ETV5: variants seen among roughly 807,000 people sequenced by gnomAD.
ETV5 encodes the protein ETS translocation variant 5.
Under a neutral mutation model 70.0 loss-of-function variants are expected in ETV5, and 10 were observed. That is an observed-to-expected ratio of 0.14 (90% CI 0.09 to 0.24). The LOEUF is 0.24. Ranked by LOEUF, ETV5 falls within the 10% of genes least tolerant of loss-of-function variation. The pLI is 1.00. For missense variants in ETV5, 453 were observed against 651.2 expected, an observed-to-expected ratio of 0.70 and a Z score of 3.31; for synonymous variants, 216 against 242.2, an observed-to-expected ratio of 0.89 and a Z score of 1.01.
intron 7 of ETV5, among the ~76,000 whole-genome samples, chr3:186,078,718 A>T (rs1197641289): frequency 6.6e-6 from 1 of 151,896 alleles, no homozygotes; most frequent in Non-Finnish European, 1.5e-5. Context: ...GTCAGTGCTC[A>T]CCCCTTGAGC....
intron 7 of ETV5, chr3:186,078,136 A>G (rs958621355): frequency 2.2e-5 from 23 of 1,051,498 alleles, no homozygotes; most frequent in Middle Eastern, 8.5e-4. Flanking sequence ...GGGGCTACCC[A>G]TCTCCCAATT....
rs781632765 is a variant in ETV5 at position 186,086,516 on chromosome 3, A to G, written c.233-5341T>C. Reference sequence around the variant, plus strand: ...ATAAAAATATCCACAAAGTATAAGAATCAGTAAGCAAGGTCATTGGCTATG... The same window carrying G: ...ATAAAAATATCCACAAAGTATAAGAGTCAGTAAGCAAGGTCATTGGCTATG... On this transcript the variant is annotated intron_variant, in intron 5 of 12. Transcript: ENST00000306376. 3.0e-4 allele frequency among the ~76,000 whole-genome samples: 46 copies of G among 152,234 alleles called. 1 individual carries two copies. Among genetic ancestry groups the G allele is most frequent in the Non-Finnish European group, 5.9e-4 (40 of 68,042 alleles).
chr3:186,066,211 C>T lies in ETV5; in HGVS notation c.651-139G>A, dbSNP rs773190444. 272 of 378,282 alleles carry T rather than the reference C, an allele frequency of 7.2e-4. 1 individual carries two copies. The highest frequency in any genetic ancestry group is 6.4e-3 in the Middle Eastern group (6 of 942). The allele number at this position is 378,282 out of a possible 1,614,324, so 23.4% of individuals were successfully genotyped here. On this transcript the variant is annotated intron_variant, in intron 7 of 12. Transcript: ENST00000306376. ...AATGCTTATTTCTGGGCATTTTACC[C>T]TCTTCCCAAAATTACATTGTGTATT...
intron 9 of ETV5, among the ~76,000 whole-genome samples, chr3:186,063,504 T>C (rs1409189145): frequency 6.6e-6 from 1 of 152,202 alleles, no homozygotes. Flanking sequence ...TCTCAGAGAC[T>C]TACTGAATTA....
intron 5 of ETV5, among the ~76,000 whole-genome samples, chr3:186,099,017 T>C (rs1207507060): frequency 6.6e-6 from 1 of 152,206 alleles, no homozygotes; most frequent in African/African-American, 2.4e-5. Flanking sequence ...CCTGGAATCT[T>C]GCACTCTCTG....
intron 12 of ETV5, 120 bp downstream of exon 12, chr3:186,051,910 A>G: frequency 1.2e-6 from 1 of 850,820 alleles, no homozygotes; most frequent in Non-Finnish European, 1.9e-6. Context: ...TTCCTACCAC[A>G]GAATCACTTA....
rs1712876369 is a variant in ETV5 at position 186,046,409 on chromosome 3, T to C, written c.*2230A>G. On this transcript the variant is annotated 3_prime_UTR_variant, in exon 13 of 13. Transcript: ENST00000306376. ...ATACGGCCCTGCGCAGGGGAAAGTA[T>C]TTCAAATCAGCTGGCAGGTTCAAGC... 4.4e-6 allele frequency: 1 copy of C among 229,666 alleles called. No homozygotes were observed. The highest frequency in any genetic ancestry group is 8.6e-6 in the Non-Finnish European group (1 of 115,630). 14.2% of individuals were successfully genotyped at this position (229,666 alleles called of 1,614,324 possible).
intron 11 of ETV5, among the ~76,000 whole-genome samples, chr3:186,053,751 A>C (rs1387833566): frequency 6.6e-6 from 1 of 152,218 alleles, no homozygotes; most frequent in East Asian, 1.9e-4. Flanking sequence ...CAAAAGGCAA[A>C]ATTAACCAAA....
intron 1 of ETV5, chr3:186,108,659 C>T: frequency 8.6e-7 from 1 of 1,158,358 alleles, no homozygotes; most frequent in East Asian, 8.1e-5. Context: ...ACTCGGGAGC[C>T]CCCGCACTCG....
At chr3:186,099,861 C>A (rs1714407896) in intron 5 of ETV5, among the ~76,000 whole-genome samples, 1 of 152,204 alleles carries the variant, frequency 6.6e-6, no homozygotes, top group Non-Finnish European at 1.5e-5. Context: ...CGTCCCAAAT[C>A]TTTCTCACCA....
chr3:186,107,618 G>A (rs1208356108), intron 1 of ETV5, among the ~76,000 whole-genome samples: 2 of 152,236 alleles, frequency 1.3e-5, no homozygotes, highest in African/African-American at 2.4e-5. Context: ...AAAGCCTGAA[G>A]GAAAGGCTCG....
chr3:186,057,366 G>T lies in ETV5; in HGVS notation c.1039+57C>A, dbSNP rs1553786575. 4.5e-5 allele frequency: 73 copies of T among 1,604,526 alleles called. 1 individual carries two copies. The South Asian group carries it at 6.9e-4, about 15-fold the overall frequency. ...ACTTGGGAAGAGAGTCATGGCTGAGGTGTTCTGACACCTCCAAACCTCTAC... is the reference window on the plus strand; with the variant it reads ...ACTTGGGAAGAGAGTCATGGCTGAGTTGTTCTGACACCTCCAAACCTCTAC... On this transcript the variant is annotated intron_variant, in intron 10 of 12. Transcript: ENST00000306376. This position sits in a 1 kb window ranked among gnomAD's most constrained non-coding sequence, Gnocchi z 4.9.
rs1185144490 is a variant in ETV5, at chr3:186,054,175, G to A, written c.1210-2044C>T. Among the ~76,000 whole-genome samples the A allele has an allele frequency of 6.6e-6, 1 of 152,234 alleles. No individual in the cohort carries two copies. Among genetic ancestry groups the A allele is most frequent in the Non-Finnish European group, 1.5e-5 (1 of 68,036 alleles). ...GGCTGTTCCTTCTACAGTAATGCATGAGGCGGCTCAGCTCCAGAGCAGCTG... is the reference window on the plus strand; with the variant it reads ...GGCTGTTCCTTCTACAGTAATGCATAAGGCGGCTCAGCTCCAGAGCAGCTG... On this transcript the variant is annotated intron_variant, in intron 11 of 12. Coordinates refer to ENST00000306376, the MANE Select transcript of ETV5 (RefSeq NM_004454.3). This position sits in a 1 kb window ranked among gnomAD's most constrained non-coding sequence, Gnocchi z 4.4.
intron 5 of ETV5, chr3:186,104,975 C>G (rs1714552717): frequency 1.1e-5 from 2 of 189,908 alleles, no homozygotes; most frequent in Admixed American, 1.2e-4. Context: ...TGCCTGACCT[C>G]AAGTGATCCA....
chr3:186,099,346 T>G (rs1170686654), intron 5 of ETV5, among the ~76,000 whole-genome samples: 1 of 152,218 alleles, frequency 6.6e-6, no homozygotes, highest in Non-Finnish European at 1.5e-5. Flanking sequence ...AAATGAATTT[T>G]TAAAAAAGCA....
intron 9 of ETV5, among the ~76,000 whole-genome samples, chr3:186,061,907 T>C (rs1713313050): frequency 6.6e-6 from 1 of 152,168 alleles, no homozygotes; most frequent in Non-Finnish European, 1.5e-5. Context: ...AGATAAATCG[T>C]AAAATTTAAA....
At chr3:186,079,077 C>T (rs1444215046) in intron 7 of ETV5, 7 of 1,064,236 alleles carry the variant, frequency 6.6e-6, no homozygotes, top group Non-Finnish European at 4.5e-6. Flanking sequence ...TGACAACTAC[C>T]CCCCTATCCC....
At chr3:186,065,169 G>A (rs576007009) in intron 8 of ETV5, among the ~76,000 whole-genome samples, 10 of 152,216 alleles carry the variant, frequency 6.6e-5, no homozygotes, top group African/African-American at 2.2e-4. Context: ...CATCACCCTG[G>A]CAATACAACT....
At chr3:186,084,008 C>T (rs1713994447) in intron 5 of ETV5, among the ~76,000 whole-genome samples, 1 of 152,112 alleles carries the variant, frequency 6.6e-6, no homozygotes, top group Non-Finnish European at 1.5e-5. Flanking sequence ...AAAGCAGGAA[C>T]TCAGAAGCCA....
Sources: allele counts gnomAD v4.1 joint callset (sites outside exome capture counted in the v4.1 genomes callset), GRCh38; gene constraint gnomAD v4.1.1; non-coding constraint Gnocchi (gnomAD v3.1); transcripts MANE v1.5; gene names NCBI Gene and HGNC (gene_info 2026-07-23, HGNC 2026-07-21).